NOL4: variants seen among roughly 807,000 people sequenced by gnomAD.
The protein encoded by NOL4 is nucleolar protein 4.
In NOL4, 17 loss-of-function variants were observed where a neutral mutation model predicts 75.9. The observed-to-expected ratio is 0.22, with a 90% CI of 0.15 to 0.34. The LOEUF (loss-of-function observed/expected upper bound fraction) is 0.34, where lower values mean the gene tolerates loss of function less well. Among genes scored for constraint, NOL4 ranks in the 10% least tolerant of loss-of-function variants. The probability of loss-of-function intolerance (pLI) is 1.00; values close to 1 mark genes in which losing one functional copy is unlikely to be tolerated. For missense variants in NOL4, 614 were observed against 793.5 expected, an observed-to-expected ratio of 0.77 and a Z score of 2.72; for synonymous variants, 292 against 289.9, an observed-to-expected ratio of 1.01 and a Z score of -0.07.
At chr18:34,167,722 GA>G (rs1324599104) in intron 1 of NOL4, among the ~76,000 whole-genome samples, 15 of 152,112 alleles carry the variant, frequency 9.9e-5, no homozygotes, top group Non-Finnish European at 1.9e-4. Context: ...AGCTATAACA[GA>G]AAACTAGAGC....
intron 9 of NOL4, among the ~76,000 whole-genome samples, chr18:33,923,865 C>T (rs2067177950): frequency 6.6e-6 from 1 of 152,140 alleles, no homozygotes; most frequent in Non-Finnish European, 1.5e-5. Context: ...GTCAGCTATA[C>T]TGTTTAAAAT....
intron 5 of NOL4, among the ~76,000 whole-genome samples, chr18:34,050,797 A>T (rs561133646): frequency 1.6e-4 from 25 of 152,280 alleles, no homozygotes; most frequent in African/African-American, 6.0e-4. Flanking sequence ...CACTTTTCAC[A>T]AAACAAGTTT....
intron 9 of NOL4, among the ~76,000 whole-genome samples, chr18:33,909,436 A>G (rs1398864892): frequency 2.6e-5 from 4 of 152,182 alleles, no homozygotes; most frequent in Non-Finnish European, 4.4e-5. Context: ...AACAACCTAC[A>G]TATCCCACGA....
chr18:34,203,205 T>C (rs913445887), intron 1 of NOL4, among the ~76,000 whole-genome samples: 13 of 152,122 alleles, frequency 8.5e-5, no homozygotes, highest in African/African-American at 3.1e-4. Flanking sequence ...TTATGTGCTA[T>C]ATAGGTCCAT....
chr18:34,053,829 T>G (rs1409948900), intron 5 of NOL4, among the ~76,000 whole-genome samples: 1 of 151,982 alleles, frequency 6.6e-6, no homozygotes, highest in African/African-American at 2.4e-5. Flanking sequence ...TATTATAAAT[T>G]TAATATATCC....
chr18:33,862,446 T>C (rs1025928878), intron 10 of NOL4, among the ~76,000 whole-genome samples: 20 of 152,176 alleles, frequency 1.3e-4, no homozygotes. Flanking sequence ...CAAGAGCTTC[T>C]GCACAGCAAA....
chr18:34,064,194 A>G (rs2077175204), intron 5 of NOL4, among the ~76,000 whole-genome samples: 2 of 152,094 alleles, frequency 1.3e-5, no homozygotes, highest in African/African-American at 4.8e-5. Context: ...AATGAGTCCA[A>G]GGAAAGTGAA....
chr18:34,178,332 G>A (rs2033737095), intron 1 of NOL4, among the ~76,000 whole-genome samples: 1 of 151,748 alleles, frequency 6.6e-6, no homozygotes, highest in East Asian at 1.9e-4. Flanking sequence ...AGGAATTGCG[G>A]GGAAGAAAAA....
chr18:33,960,115 A>G (rs2069988442), intron 6 of NOL4, among the ~76,000 whole-genome samples: 1 of 152,156 alleles, frequency 6.6e-6, no homozygotes, highest in African/African-American at 2.4e-5. Flanking sequence ...CTTATAGAAC[A>G]GTAAGCTGCA....
chr18:34,164,393 A>G (rs2032013532), intron 1 of NOL4, among the ~76,000 whole-genome samples: 1 of 152,310 alleles, frequency 6.6e-6, no homozygotes, highest in Non-Finnish European at 1.5e-5. Flanking sequence ...ACAAATTTAC[A>G]AGAAAAAAAA....
At chr18:33,955,177 T>C (rs933264030) in intron 8 of NOL4, among the ~76,000 whole-genome samples, 1 of 152,098 alleles carries the variant, frequency 6.6e-6, no homozygotes, top group African/African-American at 2.4e-5. Context: ...CAAGATCTTA[T>C]ATGAAAGGCT....
chr18:34,157,714 A>T (rs1044477862), intron 1 of NOL4, among the ~76,000 whole-genome samples: 1 of 152,172 alleles, frequency 6.6e-6, no homozygotes, highest in Non-Finnish European at 1.5e-5. Flanking sequence ...AGAGAGCACA[A>T]GAAGATGGGA....
At chr18:34,000,020 C>G (rs1360619061) in intron 6 of NOL4, among the ~76,000 whole-genome samples, 1 of 152,086 alleles carries the variant, frequency 6.6e-6, no homozygotes, top group Non-Finnish European at 1.5e-5. Context: ...TAGGAAGCCA[C>G]TAGCAAGTAT....
rs147527129 is a variant in NOL4 at position 34,187,061 on chromosome 18, T to G, written c.264+35929A>C. 5.4e-3 allele frequency among the ~76,000 whole-genome samples: 824 copies of G among 152,268 alleles called. 8 individuals are homozygous for G. The highest frequency in any genetic ancestry group is 0.019 in the African/African-American group (792 of 41,562). On this transcript the variant is annotated intron_variant, in intron 1 of 10. Transcript: ENST00000261592. The stretch of plus-strand genomic sequence containing the variant: ...TTATCACCCAGAGTGGACTTATAGT[T>G]TACATTAGGGTTTACTCTTGGTGTT...
chr18:34,110,473 A>G (rs1484271022), intron 2 of NOL4, among the ~76,000 whole-genome samples: 1 of 152,216 alleles, frequency 6.6e-6, no homozygotes, highest in East Asian at 1.9e-4. Context: ...AGCATTTGAC[A>G]AAATTCAACA....
rs1452960674 is a variant in NOL4, at chr18:34,179,741, C to G, written c.264+43249G>C. Among the ~76,000 whole-genome samples, 4 of 151,562 alleles carry G rather than the reference C, an allele frequency of 2.6e-5. No homozygotes were observed. In the East Asian group the frequency reaches 7.7e-4, roughly 29 times the overall value. On this transcript the variant is annotated intron_variant, in intron 1 of 10. Coordinates refer to ENST00000261592, the MANE Select transcript of NOL4 (RefSeq NM_003787.5). ...GTGAAGGTATTAGGATGGGGGATAT[C>G]TTTTGCCATGTGAGCACACAGCAAG...
At chr18:34,058,380 C>T (rs142672322) in intron 5 of NOL4, among the ~76,000 whole-genome samples, 2,477 of 152,218 alleles carry the variant, frequency 0.016, 63 homozygotes, top group African/African-American at 0.056. Context: ...GTGATCTGCC[C>T]GCCTTGGCCT....
chr18:33,901,533 T>G (rs1342829133), intron 9 of NOL4, among the ~76,000 whole-genome samples: 2 of 152,120 alleles, frequency 1.3e-5, no homozygotes, highest in African/African-American at 4.8e-5. Context: ...TTAAAATTAG[T>G]TTCAATTGAT....
At chr18:33,900,972 T>A (rs2065714722) in intron 9 of NOL4, among the ~76,000 whole-genome samples, 1 of 152,170 alleles carries the variant, frequency 6.6e-6, no homozygotes, top group African/African-American at 2.4e-5. Context: ...ACAAATTGGT[T>A]TATAAGTAAA....
Sources: allele counts gnomAD v4.1 joint callset (sites outside exome capture counted in the v4.1 genomes callset), GRCh38; gene constraint gnomAD v4.1.1; transcripts MANE v1.5; gene names NCBI Gene and HGNC (gene_info 2026-07-23, HGNC 2026-07-21).